Variants in GRM3 observed in about 807,000 individuals in gnomAD.
GRM3 encodes metabotropic glutamate receptor 3.
A neutral mutation model predicts 70.5 loss-of-function variants in GRM3; 26 were observed. That is an observed-to-expected ratio of 0.37 (90% CI 0.27 to 0.51). The LOEUF (loss-of-function observed/expected upper bound fraction) is 0.51, where lower values mean the gene tolerates loss of function less well. Ranked by LOEUF, GRM3 falls within the 20% of genes least tolerant of loss-of-function variation. The probability of loss-of-function intolerance (pLI) is 0.93; values close to 1 mark genes in which losing one functional copy is unlikely to be tolerated. For missense variants in GRM3, 859 were observed against 1,123.8 expected (o/e 0.76, Z 3.37); for synonymous variants, 443 against 434.9 (o/e 1.02, Z -0.23).
intron 1 of GRM3, among the ~76,000 whole-genome samples, chr7:86,689,318 C>T (rs866207350): frequency 6.6e-6 from 1 of 151,714 alleles, no homozygotes; most frequent in Non-Finnish European, 1.5e-5. Flanking sequence ...TGTGGGGCAG[C>T]GAGCAGTAAA....
intron 1 of GRM3, among the ~76,000 whole-genome samples, chr7:86,665,667 A>G (rs946405418): frequency 1.3e-5 from 2 of 152,014 alleles, no homozygotes; most frequent in African/African-American, 4.8e-5. Context: ...TATAAACCAT[A>G]TGTTATACTT....
intron 3 of GRM3, among the ~76,000 whole-genome samples, chr7:86,828,815 G>A (rs1004965763): frequency 2.0e-5 from 3 of 152,182 alleles, no homozygotes; most frequent in African/African-American, 7.2e-5. Context: ...TCTCTGTAGC[G>A]TGTGATGCTG....
At chr7:86,808,027 G>C (rs1381686226) in intron 3 of GRM3, among the ~76,000 whole-genome samples, 2 of 152,088 alleles carry the variant, frequency 1.3e-5, no homozygotes, top group African/African-American at 2.4e-5. Context: ...CTTTGGTTCT[G>C]TTTATATGAT....
Position 86,838,947 on chromosome 7 carries a change from A to T in GRM3, c.1433A>T (p.Tyr478Phe). The T allele has an allele frequency of 6.2e-7, 1 of 1,613,696 alleles. No homozygotes were observed. The highest frequency in any genetic ancestry group is 2.2e-5 in the East Asian group (1 of 44,872). ...AATTTCCAAAATGTAGGTGGAAAGT[A>T]TTCCTACTTGAAAGTTGGTCACTGG... is the stretch of plus-strand genomic sequence containing the variant. Reference protein sequence around the residue: ...VFNFQNVGGKYSYLKVGHWAE... With the variant: ...VFNFQNVGGKFSYLKVGHWAE... Residue 478 changes from tyrosine to phenylalanine, a missense_variant, in exon 4 of 6, where the codon TAT becomes TTT. Transcript: ENST00000361669.
Position 86,674,696 on chromosome 7 carries a change from A to T in GRM3, c.-141+29824A>T, listed in dbSNP as rs146543765. ...TTTACATAGCTTACAAGACTCAGTA[A>T]TCTGATCCCTGAGTATGTTTACAAC... On this transcript the variant is annotated intron_variant, in intron 1 of 5. Transcript: ENST00000361669. 5.9e-3 allele frequency among the ~76,000 whole-genome samples: 894 copies of T among 152,246 alleles called. 13 individuals carry two copies. The highest frequency in any genetic ancestry group is 0.021 in the African/African-American group (854 of 41,544).
At chr7:86,735,863 T>C (rs185990974) in intron 1 of GRM3, among the ~76,000 whole-genome samples, 65 of 152,336 alleles carry the variant, frequency 4.3e-4, no homozygotes, top group African/African-American at 1.5e-3. Context: ...ACTTTCTAAT[T>C]CTTTGAAAAC....
At chr7:86,691,796 G>A (rs1794702897) in intron 1 of GRM3, among the ~76,000 whole-genome samples, 1 of 152,134 alleles carries the variant, frequency 6.6e-6, no homozygotes, top group African/African-American at 2.4e-5. Flanking sequence ...GAAGACCCTT[G>A]TCAGATGCTG....
chr7:86,650,249 C>A (rs1319916014), intron 1 of GRM3, among the ~76,000 whole-genome samples: 1 of 152,054 alleles, frequency 6.6e-6, no homozygotes, highest in Non-Finnish European at 1.5e-5. Context: ...AAGTAACTTG[C>A]CCAAGTTCAG....
chr7:86,729,530 A>G (rs1341978315), intron 1 of GRM3, among the ~76,000 whole-genome samples: 1 of 152,210 alleles, frequency 6.6e-6, no homozygotes, highest in Non-Finnish European at 1.5e-5. Context: ...AATATTTCTA[A>G]ATTGTTAACT....
rs73211614 is a variant in GRM3, at chr7:86,682,094, A to G, written c.-141+37222A>G. 7.1e-3 allele frequency among the ~76,000 whole-genome samples: 1,084 copies of G among 152,316 alleles called. 7 individuals carry two copies. The highest frequency in any genetic ancestry group is 0.012 in the Non-Finnish European group (795 of 68,020). ...GAGGTTAAACAATTCTTATCCTTAAACAGTGCATTTGCAAAGCAGAGAGAA... is the reference window on the plus strand; with the variant it reads ...GAGGTTAAACAATTCTTATCCTTAAGCAGTGCATTTGCAAAGCAGAGAGAA... On this transcript the variant is annotated intron_variant, in intron 1 of 5. Transcript: ENST00000361669.
chr7:86,772,848 T>C (rs1224127073), intron 2 of GRM3, among the ~76,000 whole-genome samples: 1 of 152,092 alleles, frequency 6.6e-6, no homozygotes, highest in Non-Finnish European at 1.5e-5. Context: ...ACAATGATTA[T>C]AGCATGGATA....
chr7:86,773,184 C>G (rs932486307), intron 2 of GRM3, among the ~76,000 whole-genome samples: 8 of 151,908 alleles, frequency 5.3e-5, no homozygotes, highest in African/African-American at 1.9e-4. Flanking sequence ...CCAGTGTCTA[C>G]TGTTGCCGTC....
At chr7:86,701,812 G>A (rs1794951873) in intron 1 of GRM3, among the ~76,000 whole-genome samples, 1 of 151,856 alleles carries the variant, frequency 6.6e-6, no homozygotes, top group Non-Finnish European at 1.5e-5. Context: ...CCCTGAATTT[G>A]CAAGTATCAT....
chr7:86,660,681 C>T (rs1390235396), intron 1 of GRM3, among the ~76,000 whole-genome samples: 1 of 151,780 alleles, frequency 6.6e-6, no homozygotes, highest in Admixed American at 6.6e-5. Context: ...TTTTGAATAT[C>T]AACTAGGCTA....
intron 1 of GRM3, among the ~76,000 whole-genome samples, chr7:86,698,510 T>C (rs1249910811): frequency 6.9e-6 from 1 of 144,830 alleles, no homozygotes; most frequent in Non-Finnish European, 1.5e-5. Context: ...GTCCCATGTC[T>C]AAAAAGTATT....
intron 3 of GRM3, among the ~76,000 whole-genome samples, chr7:86,797,572 T>G (rs1406756017): frequency 1.3e-5 from 2 of 152,178 alleles, no homozygotes; most frequent in Non-Finnish European, 2.9e-5. Context: ...GTATTGGAAT[T>G]GGAACTTATG....
chr7:86,765,155 T>C lies in GRM3; in HGVS notation c.10T>C (p.Leu4=). 6.3e-7 allele frequency: 1 copy of C among 1,575,198 alleles called. No individual in the cohort carries two copies. The highest frequency in any genetic ancestry group is 8.6e-7 in the Non-Finnish European group (1 of 1,164,460). Residue 4 remains leucine, a synonymous_variant, in exon 2 of 6, where the codon TTG becomes CTG. Transcript: ENST00000361669. ...TACAGAAACAGGATTCATGAAGATGTTGACAAGACTGCAAGTTCTTACCTT... is the reference window on the plus strand; with the variant it reads ...TACAGAAACAGGATTCATGAAGATGCTGACAAGACTGCAAGTTCTTACCTT... MKM[L]TRLQVLTLAL...
intron 1 of GRM3, among the ~76,000 whole-genome samples, chr7:86,657,090 G>A (rs1277641073): frequency 1.3e-5 from 2 of 151,968 alleles, no homozygotes; most frequent in East Asian, 3.9e-4. Context: ...TTCTTCTGAA[G>A]GCATTTTCGA....
intron 3 of GRM3, among the ~76,000 whole-genome samples, chr7:86,791,758 T>C (rs1484339269): frequency 1.3e-5 from 2 of 152,238 alleles, no homozygotes; most frequent in African/African-American, 4.8e-5. Flanking sequence ...CCTTTTTTTA[T>C]TTCTTTTTAA....
Sources: allele counts gnomAD v4.1 joint callset (sites outside exome capture counted in the v4.1 genomes callset), GRCh38; gene constraint gnomAD v4.1.1; transcripts MANE v1.5; gene names NCBI Gene and HGNC (gene_info 2026-07-23, HGNC 2026-07-21).